The following LYRM4 variants were observed in gnomAD, a reference collection of about 807,000 sequenced individuals.
LYRM4 encodes the protein LYR motif containing 4.
In LYRM4, 9 loss-of-function variants were observed where a neutral mutation model predicts 11.7. The observed-to-expected ratio is 0.77, with a 90% CI of 0.46 to 1.34. The LOEUF (loss-of-function observed/expected upper bound fraction) is 1.34. Among genes scored for constraint, LYRM4 ranks in the 40% most tolerant of loss-of-function variants. The probability of loss-of-function intolerance (pLI) is 0.00; values close to 1 mark genes in which losing one functional copy is unlikely to be tolerated. For missense variants in LYRM4, 133 were observed against 112.5 expected, an observed-to-expected ratio of 1.18 and a Z score of -0.82; for synonymous variants, 42 against 40.4, an observed-to-expected ratio of 1.04 and a Z score of -0.15.
intron 2 of LYRM4, among the ~76,000 whole-genome samples, chr6:5,131,697 T>C (rs1218376700): frequency 6.6e-6 from 1 of 152,228 alleles, no homozygotes; most frequent in East Asian, 1.9e-4. Context: ...CTATGGTAAT[T>C]GGTCTATTCA....
intron 2 of LYRM4, among the ~76,000 whole-genome samples, chr6:5,212,575 T>A (rs1762040163): frequency 1.3e-5 from 2 of 152,150 alleles, no homozygotes; most frequent in South Asian, 4.1e-4. Flanking sequence ...GGAAATTAGA[T>A]TTAGTGGGGG....
chr6:5,049,756 A>C, the LYRM4 span, among the ~76,000 whole-genome samples: 1 of 149,864 alleles, frequency 6.7e-6, no homozygotes, highest in South Asian at 2.1e-4. Context: ...TGCAACCTCC[A>C]CCTCCCGGGT....
chr6:5,252,660 G>GT (rs1248855746), intron 1 of LYRM4, among the ~76,000 whole-genome samples: 2 of 152,036 alleles, frequency 1.3e-5, no homozygotes, highest in African/African-American at 4.8e-5. Flanking sequence ...CCAGCCTGTT[G>GT]TTTACCTAGT....
chr6:5,231,349 G>A (rs1763231243), intron 1 of LYRM4, among the ~76,000 whole-genome samples: 1 of 152,208 alleles, frequency 6.6e-6, no homozygotes, highest in Non-Finnish European at 1.5e-5. Context: ...ATAGAGCATA[G>A]TCAAAACCTT....
At chr6:5,109,965 G>T (rs118068303) in intron 2 of LYRM4, among the ~76,000 whole-genome samples, 10 of 152,346 alleles carry the variant, frequency 6.6e-5, no homozygotes, top group Admixed American at 3.9e-4. Flanking sequence ...GGCCCATCCC[G>T]GGTGGGGTCG....
chr6:5,237,361 G>A (rs957996429), intron 1 of LYRM4, among the ~76,000 whole-genome samples: 3 of 151,900 alleles, frequency 2.0e-5, no homozygotes, highest in African/African-American at 7.3e-5. Flanking sequence ...TCTAACGCCT[G>A]AAGATCTGTC....
At chr6:5,084,088 A>G in the LYRM4 span, among the ~76,000 whole-genome samples, 1 of 152,202 alleles carries the variant, frequency 6.6e-6, no homozygotes, top group Non-Finnish European at 1.5e-5. Flanking sequence ...TGGGCAGCAT[A>G]GCAAGACCCC....
At chr6:5,214,646 A>G (rs1424229395) in intron 2 of LYRM4, among the ~76,000 whole-genome samples, 1 of 152,206 alleles carries the variant, frequency 6.6e-6, no homozygotes, top group Non-Finnish European at 1.5e-5. Flanking sequence ...AGTGTGCAAG[A>G]ATACAGACTC....
chr6:5,202,028 C>T (rs532937231), intron 2 of LYRM4, among the ~76,000 whole-genome samples: 4 of 152,314 alleles, frequency 2.6e-5, no homozygotes, highest in East Asian at 3.9e-4. Flanking sequence ...TCCATGCCTG[C>T]GGCACCTGGT....
At chr6:5,138,541 G>T (rs1345272658) in intron 2 of LYRM4, among the ~76,000 whole-genome samples, 8 of 79,962 alleles carry the variant, frequency 1.0e-4, no homozygotes, top group South Asian at 1.0e-3. Flanking sequence ...CTTACTTAAA[G>T]AATTTTTATC....
In LYRM4 at chr6:5,232,143, C is replaced by A. The variant is rs1763278363; in HGVS notation, c.87-15405G>T. ...AAGGTCAAGCCAAAAAATGCAGTCT[C>A]AAAAAAAACTGTTGAATAATATAAA... On this transcript the variant is annotated intron_variant, in intron 1 of 2. Transcript: ENST00000330636. 2.0e-5 allele frequency among the ~76,000 whole-genome samples: 3 copies of A among 151,908 alleles called. No individual in the cohort carries two copies. In the South Asian group the frequency reaches 6.2e-4, roughly 32 times the overall value.
At chr6:5,143,546 C>G (rs1757528801) in intron 2 of LYRM4, among the ~76,000 whole-genome samples, 1 of 152,140 alleles carries the variant, frequency 6.6e-6, no homozygotes, top group South Asian at 2.1e-4. Context: ...GGCCTAAGCT[C>G]AGAGGGCCTG....
In LYRM4 at chr6:5,245,146, AT is replaced by A. The variant is rs1561899153; in HGVS notation, c.86+15501del. Among the ~76,000 whole-genome samples, 9 of 103,328 alleles carry A rather than the reference AT, an allele frequency of 8.7e-5. 1 individual carries two copies. Among genetic ancestry groups the A allele is most frequent in the South Asian group, 7.3e-4 (2 of 2,730 alleles). The allele number at this position is 103,328 out of a possible 152,430, so 67.8% of individuals were successfully genotyped here. ...TATATATATATATATATATATATAT[AT>A]ATATATATATATATATAAAATAGGT... On this transcript the variant is annotated intron_variant, in intron 1 of 2. Transcript: ENST00000330636.
intron 1 of LYRM4, among the ~76,000 whole-genome samples, chr6:5,232,907 T>C (rs559787719): frequency 3.3e-5 from 5 of 152,356 alleles, no homozygotes; most frequent in African/African-American, 1.2e-4. Context: ...GTGTTTAGCA[T>C]CCATGTGAAT....
intron 2 of LYRM4, among the ~76,000 whole-genome samples, chr6:5,154,737 T>C (rs191000491): frequency 2.0e-5 from 3 of 152,084 alleles, no homozygotes; most frequent in Non-Finnish European, 2.9e-5. Context: ...GAGAATGGCG[T>C]GAACCCGGGA....
intron 2 of LYRM4, among the ~76,000 whole-genome samples, chr6:5,200,439 C>T (rs1477277596): frequency 2.6e-5 from 4 of 152,086 alleles, no homozygotes; most frequent in African/African-American, 4.8e-5. Flanking sequence ...TCTACTCCAC[C>T]GGGTGGAAGC....
At chr6:5,056,132 C>G in the LYRM4 span, among the ~76,000 whole-genome samples, 1 of 152,150 alleles carries the variant, frequency 6.6e-6, no homozygotes, top group African/African-American at 2.4e-5. Context: ...TCTTGAGTAG[C>G]TGGGACTACA....
intron 1 of LYRM4, among the ~76,000 whole-genome samples, chr6:5,256,629 A>G (rs1424309014): frequency 6.6e-6 from 1 of 150,582 alleles, no homozygotes; most frequent in Admixed American, 6.6e-5. Flanking sequence ...CAGAACAGAG[A>G]GTGATGTGAC....
intron 1 of LYRM4, among the ~76,000 whole-genome samples, chr6:5,242,517 C>T (rs899684854): frequency 7.3e-5 from 11 of 151,244 alleles, no homozygotes; most frequent in African/African-American, 2.4e-4. Flanking sequence ...GTCAGGAGTT[C>T]GAGACCAGCC....
Sources: allele counts gnomAD v4.1 joint callset (sites outside exome capture counted in the v4.1 genomes callset), GRCh38; gene constraint gnomAD v4.1.1; transcripts MANE v1.5; gene names NCBI Gene and HGNC (gene_info 2026-07-23, HGNC 2026-07-21).